Variants in ADAMTSL1 observed in about 807,000 individuals in gnomAD.
ADAMTSL1 encodes ADAMTS like 1.
ADAMTSL1 carries 126 observed loss-of-function variants against 201.8 expected under a neutral mutation model. That is an observed-to-expected ratio of 0.62 (90% CI 0.54 to 0.72). ADAMTSL1 has a LOEUF of 0.72. Among genes scored for constraint, ADAMTSL1 ranks in the 30% least tolerant of loss-of-function variants. The probability of loss-of-function intolerance (pLI) is 0.00; values close to 1 mark genes in which losing one functional copy is unlikely to be tolerated. For missense variants in ADAMTSL1, 2,679 were observed against 2,277.8 expected (o/e 1.18, Z -3.59); for synonymous variants, 1,121 against 903.4 (o/e 1.24, Z -4.32).
intron 2 of ADAMTSL1, among the ~76,000 whole-genome samples, chr9:18,210,772 T>C (rs1414476223): frequency 6.6e-6 from 1 of 151,646 alleles, no homozygotes; most frequent in Non-Finnish European, 1.5e-5. Context: ...TTTTTTTTTT[T>C]GCCTATCTTA....
At chr9:18,301,531 C>G (rs142593002) in intron 2 of ADAMTSL1, among the ~76,000 whole-genome samples, 1 of 152,172 alleles carries the variant, frequency 6.6e-6, no homozygotes, top group African/African-American at 2.4e-5. Context: ...AAGAAAGTAA[C>G]AACAATAATT....
At chr9:18,008,175 T>G (rs1307691791) in intron 1 of ADAMTSL1, among the ~76,000 whole-genome samples, 2 of 151,996 alleles carry the variant, frequency 1.3e-5, no homozygotes, top group Admixed American at 6.6e-5. Flanking sequence ...TGAGGCAATT[T>G]ACTCCTGTGT....
intron 2 of ADAMTSL1, among the ~76,000 whole-genome samples, chr9:18,427,425 T>A (rs535554026): frequency 3.9e-5 from 6 of 152,360 alleles, no homozygotes; most frequent in African/African-American, 1.4e-4. Context: ...AGTGTGTTAC[T>A]AAAATATTTG....
chr9:18,375,940 A>C (rs1343294148), intron 2 of ADAMTSL1, among the ~76,000 whole-genome samples: 1 of 152,152 alleles, frequency 6.6e-6, no homozygotes, highest in Non-Finnish European at 1.5e-5. Context: ...TGATTGGTCC[A>C]TTTTACAAAC....
chr9:18,156,539 TAA>T (rs2132064934), intron 1 of ADAMTSL1, among the ~76,000 whole-genome samples: 1 of 152,148 alleles, frequency 6.6e-6, no homozygotes, highest in Non-Finnish European at 1.5e-5. Context: ...TTTTTCACCC[TAA>T]CATTCTCCTC....
chr9:18,487,068 G>C (rs139407513), intron 1 of ADAMTSL1, among the ~76,000 whole-genome samples: 1 of 152,224 alleles, frequency 6.6e-6, no homozygotes, highest in East Asian at 1.9e-4. Context: ...TATCTGCCCT[G>C]ATTAAATATT....
intron 16 of ADAMTSL1, among the ~76,000 whole-genome samples, chr9:18,756,320 T>C (rs1819770385): frequency 6.7e-6 from 1 of 149,902 alleles, no homozygotes; most frequent in South Asian, 2.1e-4. Flanking sequence ...TGATCACTTT[T>C]AGAAATCTCT....
At chr9:18,698,857 T>C (rs902438459) in intron 13 of ADAMTSL1, among the ~76,000 whole-genome samples, 2 of 152,182 alleles carry the variant, frequency 1.3e-5, no homozygotes, top group African/African-American at 4.8e-5. Flanking sequence ...CCCCCTGGCC[T>C]TTTTCTTACT....
rs760862558 is a variant in ADAMTSL1 at position 18,083,121 on chromosome 9, A to G, written c.88-80741A>G. 1.1e-3 allele frequency among the ~76,000 whole-genome samples: 163 copies of G among 152,208 alleles called. 1 individual carries two copies. Among genetic ancestry groups the G allele is most frequent in the Non-Finnish European group, 2.1e-3 (143 of 68,024 alleles). The stretch of plus-strand genomic sequence containing the variant: ...AAGACTTGAGACAAAAAGACTTTTT[A>G]TTTTGAGGATGTGGGGCAAGACATG... On this transcript the variant is annotated intron_variant, in intron 1 of 29. Transcript: ENST00000680146.
chr9:18,136,792 C>A (rs1826176752), intron 1 of ADAMTSL1, among the ~76,000 whole-genome samples: 2 of 152,010 alleles, frequency 1.3e-5, no homozygotes, highest in Admixed American at 6.6e-5. Flanking sequence ...AGGAGTAAGA[C>A]CTTATTGCTG....
intron 28 of ADAMTSL1, chr9:18,908,065 CA>C: frequency 3.7e-6 from 1 of 271,060 alleles, no homozygotes; most frequent in Non-Finnish European, 7.2e-6. Context: ...CTTAAAATAC[CA>C]AAACCCACGG....
chr9:18,193,319 T>C (rs1829045680), intron 2 of ADAMTSL1, among the ~76,000 whole-genome samples: 1 of 152,086 alleles, frequency 6.6e-6, no homozygotes, highest in African/African-American at 2.4e-5. Flanking sequence ...AAGAATCATA[T>C]AGAAATTATG....
chr9:18,559,360 G>C (rs1031785088), intron 3 of ADAMTSL1, among the ~76,000 whole-genome samples: 5 of 152,056 alleles, frequency 3.3e-5, no homozygotes, highest in African/African-American at 1.2e-4. Context: ...AGTTCCATTG[G>C]TCTATATATC....
intron 1 of ADAMTSL1, among the ~76,000 whole-genome samples, chr9:18,061,133 G>C (rs116733679): frequency 6.6e-6 from 1 of 152,076 alleles, no homozygotes; most frequent in African/African-American, 2.4e-5. Flanking sequence ...GGGTTGGAGG[G>C]ATAGAAAAAA....
chr9:18,304,740 T>C (rs983192453), intron 2 of ADAMTSL1, among the ~76,000 whole-genome samples: 1 of 152,170 alleles, frequency 6.6e-6, no homozygotes. Flanking sequence ...AGTATCTTTG[T>C]TACTTGTATG....
intron 2 of ADAMTSL1, among the ~76,000 whole-genome samples, chr9:18,447,849 G>A (rs1379975376): frequency 6.6e-6 from 1 of 152,206 alleles, no homozygotes; most frequent in Non-Finnish European, 1.5e-5. Context: ...GAATGCAGAA[G>A]AGCCCAAACT....
intron 3 of ADAMTSL1, among the ~76,000 whole-genome samples, chr9:18,567,127 A>C (rs1805380513): frequency 6.6e-6 from 1 of 152,154 alleles, no homozygotes; most frequent in Non-Finnish European, 1.5e-5. Flanking sequence ...AAAGGCCTTC[A>C]GGTGATTTTG....
intron 3 of ADAMTSL1, among the ~76,000 whole-genome samples, chr9:18,536,666 G>C (rs117468214): frequency 2.6e-5 from 4 of 152,068 alleles, no homozygotes; most frequent in Non-Finnish European, 5.9e-5. Context: ...ACAGTTCCCT[G>C]CTCTATTCTA....
chr9:18,100,050 T>C (rs1364731551), intron 1 of ADAMTSL1, among the ~76,000 whole-genome samples: 1 of 152,176 alleles, frequency 6.6e-6, no homozygotes, highest in Non-Finnish European at 1.5e-5. Flanking sequence ...CATTTCTGAG[T>C]TTTTCTAATT....
Sources: allele counts gnomAD v4.1 joint callset (sites outside exome capture counted in the v4.1 genomes callset), GRCh38; gene constraint gnomAD v4.1.1; transcripts MANE v1.5; gene names NCBI Gene and HGNC (gene_info 2026-07-23, HGNC 2026-07-21).